The following NCKAP5L variants were observed in gnomAD, a reference collection of about 807,000 sequenced individuals.
NCKAP5L encodes nck-associated protein 5-like.
In NCKAP5L, 54 loss-of-function variants were observed where a neutral mutation model predicts 103.2. The observed-to-expected ratio is 0.52, with a 90% CI of 0.42 to 0.66. NCKAP5L has a LOEUF of 0.66. Ranked by LOEUF, NCKAP5L falls within the 30% of genes least tolerant of loss-of-function variation. The probability of loss-of-function intolerance (pLI) is 0.00; values close to 1 mark genes in which losing one functional copy is unlikely to be tolerated. For missense variants in NCKAP5L, 1,733 were observed against 1,750.6 expected (o/e 0.99, Z 0.18); for synonymous variants, 762 against 748.6 (o/e 1.02, Z -0.29).
chr12:49,796,629 CCATGAA>C lies in NCKAP5L; in HGVS notation c.1225_1230del (p.Phe409_Met410del), dbSNP rs1946050534. 1 of 1,592,188 alleles carries C rather than the reference CCATGAA, an allele frequency of 6.3e-7. No individual in the cohort carries two copies. Among genetic ancestry groups the C allele is most frequent in the African/African-American group, 1.4e-5 (1 of 74,054 alleles). On this transcript the variant is annotated inframe_deletion, in exon 8 of 13. Transcript: ENST00000335999. ...GAGCCCAGTGGGGCATCCCCAGCAC[CCATGAA>C]CATGCTAAGGAAGGGGAGGGGCCCC...
chr12:49,819,137 T>C (rs11615911), intron 1 of NCKAP5L, among the ~76,000 whole-genome samples: 56,350 of 151,184 alleles, frequency 0.37, 10,793 homozygotes, highest in South Asian at 0.46. Flanking sequence ...TCGAGACCAT[T>C]CCATCTCTAT....
In NCKAP5L at chr12:49,794,880, G is replaced by T; in HGVS notation, c.2980C>A (p.Arg994=). The T allele has an allele frequency of 6.7e-7, 1 of 1,502,136 alleles. No homozygotes were observed. The highest frequency in any genetic ancestry group is 2.4e-5 in the East Asian group (1 of 41,412). The allele number at this position is 1,502,136 out of a possible 1,614,324, so 93.1% of individuals were successfully genotyped here. ...EEKAYLSSRA[R]PRPGGPAPGP... Reference sequence around the variant, plus strand: ...GGGGCTGGGCCACCAGGCCGTGGCCGGGCCCGGCTGCTTAGGTAGGCCTTC... The same window carrying T: ...GGGGCTGGGCCACCAGGCCGTGGCCTGGCCCGGCTGCTTAGGTAGGCCTTC... The change falls in exon 8 of 13, where the codon CGG becomes AGG. Residue 994 remains arginine (R), a synonymous_variant. Transcript: ENST00000335999.
chr12:49,825,665 C>T (rs1215124247), intron 1 of NCKAP5L, among the ~76,000 whole-genome samples: 2 of 152,138 alleles, frequency 1.3e-5, no homozygotes, highest in African/African-American at 2.4e-5. Context: ...CGGCTCACAG[C>T]GGTAAGGAAG....
chr12:49,805,093 TC>T (rs1946165141), intron 2 of NCKAP5L: 1 of 152,360 alleles, frequency 6.6e-6, no homozygotes. Flanking sequence ...TGCTGGGGTC[TC>T]TTGACACCAC....
chr12:49,811,629 T>C (rs1379356486), intron 1 of NCKAP5L, among the ~76,000 whole-genome samples: 2 of 151,578 alleles, frequency 1.3e-5, no homozygotes, highest in Non-Finnish European at 2.9e-5. Context: ...AATCTTCTCG[T>C]TGGGCACAGT....
At chr12:49,805,752 G>A (rs1946172071) in intron 2 of NCKAP5L, 7 of 152,320 alleles carry the variant, frequency 4.6e-5, no homozygotes, top group Admixed American at 4.6e-4. Context: ...GAGCCCTAGA[G>A]TTCGAGGCTG....
At chr12:49,799,865 A>G (rs1592751384) in intron 6 of NCKAP5L, among the ~76,000 whole-genome samples, 1 of 152,088 alleles carries the variant, frequency 6.6e-6, no homozygotes, top group Non-Finnish European at 1.5e-5. Flanking sequence ...TTCTTTCCAC[A>G]GGGATCCCTC....
chr12:49,796,049 G>A lies in NCKAP5L; in HGVS notation c.1811C>T (p.Pro604Leu). 2 of 1,570,238 alleles carry A rather than the reference G, an allele frequency of 1.3e-6. No individual in the cohort carries two copies. The highest frequency in any genetic ancestry group is 8.6e-7 in the Non-Finnish European group (1 of 1,161,746). The change falls in exon 8 of 13, where the codon CCC becomes CTC. Residue 604 changes from proline to leucine, a missense_variant. Pro to Leu is a moderately conservative substitution (Grantham distance 98). Coordinates refer to ENST00000335999, the MANE Select transcript of NCKAP5L (RefSeq NM_001037806.4). ...CGATTCTGGGAGGCAAGGACTGGGG[G>A]GTACTCCAGGGCTTCTGAGGACCTC... ...APEVLRSPGV[P>L]PSPCLPESYP...
intron 2 of NCKAP5L, 29 bp from the exon 3 acceptor site, chr12:49,804,109 AAGG>A (rs1946153720): frequency 4.4e-6 from 7 of 1,590,424 alleles, no homozygotes; most frequent in South Asian, 1.1e-5. Context: ...AGGAAGTGAG[AAGG>A]AGGAGGACAA....
chr12:49,798,216 A>G (rs1592750467), intron 7 of NCKAP5L, 134 bp downstream of exon 7: 6 of 798,174 alleles, frequency 7.5e-6, no homozygotes. Flanking sequence ...AGGATTGGGG[A>G]TCTGCTTTTT....
chr12:49,792,565 T>C lies in NCKAP5L; in HGVS notation c.3673A>G (p.Thr1225Ala). 6.2e-7 allele frequency: 1 copy of C among 1,613,146 alleles called. No individual in the cohort carries two copies. Among genetic ancestry groups the C allele is most frequent in the South Asian group, 1.1e-5 (1 of 91,028 alleles). The change falls in exon 12 of 13, where the codon ACC (threonine) becomes GCC (alanine). Residue 1225 changes from threonine to alanine, a missense_variant. Physicochemically the swap from Thr to Ala is moderately conservative, Grantham distance 58. Transcript: ENST00000335999. This position sits in a 1 kb window ranked among gnomAD's most constrained non-coding sequence, Gnocchi z 4.5. The stretch of plus-strand genomic sequence containing the variant: ...TTCTTGGCCAGCTGGACAGGAGGGG[T>C]GGGGCCTGGGTCTTCACAGGGATCT... ...PDDPCEDPGP[T>A]PPVQLAKNWT...
chr12:49,793,512 G>T, intron 9 of NCKAP5L, 79 bp from the exon 10 acceptor site: 2 of 1,467,286 alleles, frequency 1.4e-6, no homozygotes, highest in Admixed American at 1.8e-5. Flanking sequence ...GGGTGGGAAT[G>T]TGTCTGTAAA....
chr12:49,795,097 G>A lies in NCKAP5L; in HGVS notation c.2763C>T (p.Phe921=), dbSNP rs552206355. The A allele has an allele frequency of 1.9e-5, 31 of 1,613,028 alleles. No individual in the cohort carries two copies. Among genetic ancestry groups the A allele is most frequent in the African/African-American group, 1.9e-4 (14 of 75,042 alleles). ...CTGGCAGCTTGCTCTTCTTAAGGCC[G>A]AACCAGCTGGCGATGCTGCTGGTGT... is the stretch of plus-strand genomic sequence containing the variant. ...HRNTSSIASW[F]GLKKSKLPAL... is the part of the protein sequence containing the mutation. The change falls in exon 8 of 13, where the codon TTC becomes TTT. Residue 921 remains phenylalanine (F), a synonymous_variant. Transcript: ENST00000335999.
chr12:49,799,549 C>T (rs1219534355), intron 6 of NCKAP5L, among the ~76,000 whole-genome samples: 3 of 152,026 alleles, frequency 2.0e-5, no homozygotes, highest in African/African-American at 7.2e-5. Context: ...ACTCCTGGGC[C>T]CAAGTGATTC....
At chr12:49,817,535 A>C (rs181298543) in intron 1 of NCKAP5L, among the ~76,000 whole-genome samples, 1,562 of 152,272 alleles carry the variant, frequency 0.01, 11 homozygotes, top group South Asian at 0.027. Context: ...AAAAGAACAA[A>C]CTTGGAGGCA....
At chr12:49,816,205 T>A (rs1003748959) in intron 1 of NCKAP5L, among the ~76,000 whole-genome samples, 10 of 152,126 alleles carry the variant, frequency 6.6e-5, no homozygotes, top group African/African-American at 2.4e-4. Context: ...CTTCCTTGTA[T>A]TTCTGCACTC....
At chr12:49,822,186 C>A (rs1946368298) in intron 1 of NCKAP5L, among the ~76,000 whole-genome samples, 1 of 152,186 alleles carries the variant, frequency 6.6e-6, no homozygotes, top group African/African-American at 2.4e-5. Context: ...AGCTGGCCCT[C>A]ACCAGACACC....
At chr12:49,801,071 A>G (rs1232758804) in intron 6 of NCKAP5L, among the ~76,000 whole-genome samples, 1 of 152,224 alleles carries the variant, frequency 6.6e-6, no homozygotes, top group Non-Finnish European at 1.5e-5. Context: ...GCAAGGGCCA[A>G]GCTACCAGTG....
intron 1 of NCKAP5L, among the ~76,000 whole-genome samples, chr12:49,806,477 A>G (rs923474855): frequency 6.6e-6 from 1 of 152,282 alleles, no homozygotes; most frequent in Admixed American, 6.5e-5. Flanking sequence ...ACCGAGGAAC[A>G]GAAAGTTACA....
Sources: allele counts gnomAD v4.1 joint callset (sites outside exome capture counted in the v4.1 genomes callset), GRCh38; gene constraint gnomAD v4.1.1; non-coding constraint Gnocchi (gnomAD v3.1); transcripts MANE v1.5; gene names NCBI Gene and HGNC (gene_info 2026-07-23, HGNC 2026-07-21).